The following TBXA2R variants were observed in gnomAD, a reference collection of about 807,000 sequenced individuals.
The protein encoded by TBXA2R is prostanoid TP receptor.
TBXA2R carries 15 observed loss-of-function variants against 15.6 expected under a neutral mutation model. The observed-to-expected ratio is 0.96, with a 90% CI of 0.64 to 1.48. TBXA2R has a LOEUF of 1.48. Ranked by LOEUF, TBXA2R falls within the 40% of genes most tolerant of loss-of-function variation. The probability of loss-of-function intolerance (pLI) is 0.00; values close to 1 mark genes in which losing one functional copy is unlikely to be tolerated. For missense variants in TBXA2R, 506 were observed against 491.4 expected (o/e 1.03, Z -0.28); for synonymous variants, 280 against 241.2 (o/e 1.16, Z -1.49).
intron 2 of TBXA2R, among the ~76,000 whole-genome samples, chr19:3,599,577 G>A (rs983735576): frequency 4.6e-5 from 7 of 152,066 alleles, no homozygotes; most frequent in Admixed American, 2.0e-4. Flanking sequence ...TGATCCGCCC[G>A]CCTCGGCCTC....
At position 3,600,103 on chromosome 19, in the gene TBXA2R, A is replaced by G; in HGVS notation, c.532T>C (p.Tyr178His). The G allele has an allele frequency of 6.2e-7, 1 of 1,612,106 alleles. No homozygotes were observed. Among genetic ancestry groups the G allele is most frequent in the Non-Finnish European group, 8.5e-7 (1 of 1,179,612 alleles). ...GTCAGGAAGCACCAGGACCCCGGGT[A>G]TTGCACGGTGTAGCGACCCACGCCC... ...LLGVGRYTVQ[Y>H]PGSWCFLTLG... The change falls in exon 2 of 3, where the codon TAC becomes CAC. Residue 178 changes from tyrosine to histidine, a missense_variant. Coordinates refer to ENST00000375190, the MANE Select transcript of TBXA2R (RefSeq NM_001060.6).
chr19:3,600,120 C>T lies in TBXA2R; in HGVS notation c.515G>A (p.Gly172Asp), dbSNP rs1423803534. 6.2e-7 allele frequency: 1 copy of T among 1,611,366 alleles called. No individual in the cohort carries two copies. Among genetic ancestry groups the T allele is most frequent in the Non-Finnish European group, 8.5e-7 (1 of 1,179,334 alleles). Residue 172 changes from glycine to aspartate, a missense_variant, in exon 2 of 3, where the codon GGT becomes GAT. Physicochemically the swap from Gly to Asp is moderately conservative, Grantham distance 94. Transcript: ENST00000375190. ...CCCCGGGTATTGCACGGTGTAGCGA[C>T]CCACGCCCAGCAGGGGCAGCAGGCC... Reference protein sequence around the residue: ...ALGLLPLLGVGRYTVQYPGSW... With the variant: ...ALGLLPLLGVDRYTVQYPGSW...
At chr19:3,601,974 CA>C (rs1218420336) in intron 1 of TBXA2R, among the ~76,000 whole-genome samples, 1 of 151,974 alleles carries the variant, frequency 6.6e-6, no homozygotes, top group Non-Finnish European at 1.5e-5. Context: ...GTAATCCCAG[CA>C]CTTTGGGAGG....
At position 3,594,736 on chromosome 19, in the gene TBXA2R, T is replaced by C. The variant is rs1041523816; in HGVS notation, c.*952A>G. 3 of 1,081,554 alleles carry C rather than the reference T, an allele frequency of 2.8e-6. No homozygotes were observed. Among genetic ancestry groups the C allele is most frequent in the African/African-American group, 3.2e-5 (2 of 63,036 alleles). The allele number at this position is 1,081,554 out of a possible 1,614,324, so 67.0% of individuals were successfully genotyped here. ...CTCGTCTGCTCCGGGTGAGGCCCAA[T>C]GCACAAACTCCAGAGATTGAAAACT... On this transcript the variant is annotated 3_prime_UTR_variant, in exon 3 of 3. Coordinates refer to ENST00000375190, the MANE Select transcript of TBXA2R (RefSeq NM_001060.6).
In TBXA2R at chr19:3,599,865, C is replaced by T; in HGVS notation, c.770G>A (p.Cys257Tyr). 6.5e-7 allele frequency: 1 copy of T among 1,549,180 alleles called. No individual in the cohort carries two copies. The highest frequency in any genetic ancestry group is 8.7e-7 in the Non-Finnish European group (1 of 1,147,000). Residue 257 changes from cysteine (C) to tyrosine (Y), a missense_variant, in exon 2 of 3, where the codon TGT becomes TAT. By Grantham distance (194) the Cys-to-Tyr change is radical. Coordinates refer to ENST00000375190, the MANE Select transcript of TBXA2R (RefSeq NM_001060.6). ...CCTACTCACCAGAAGGGGCAGCCAA[C>T]ACACGCTGGCCACCACCATGATCCC... ...LLGIMVVASVCWLPLLVFIAQ... is the reference protein window; with the variant it reads ...LLGIMVVASVYWLPLLVFIAQ...
rs1224651715 is a variant in TBXA2R, at chr19:3,600,217, G to T, written c.418C>A (p.Arg140Ser). 3 of 1,607,034 alleles carry T rather than the reference G, an allele frequency of 1.9e-6. No homozygotes were observed. Among genetic ancestry groups the T allele is most frequent in the East Asian group, 4.5e-5 (2 of 44,634 alleles). ...CGGCGCTGCGAGGCGACCGCCGGGC[G>T]CGAGAAGGGCCGGGTGATACCCAGG... is the stretch of plus-strand genomic sequence containing the variant. Reference protein sequence around the residue: ...RYLGITRPFSRPAVASQRRAW... With the variant: ...RYLGITRPFSSPAVASQRRAW... Residue 140 changes from arginine to serine, a missense_variant, in exon 2 of 3, where the codon CGC (arginine) becomes AGC (serine). Arg to Ser is a moderately radical substitution (Grantham distance 110, BLOSUM62 -1). Transcript: ENST00000375190.
intron 1 of TBXA2R, 118 bp from the exon 2 acceptor site, chr19:3,600,835 T>TTTG (rs2032724259): frequency 1.6e-6 from 1 of 615,064 alleles, no homozygotes; most frequent in African/African-American, 1.9e-5. Flanking sequence ...GGTTTTTTTT[T>TTTG]TTTTTTTTTT....
At chr19:3,600,907 C>A (rs1263321819) in intron 1 of TBXA2R, among the ~76,000 whole-genome samples, 190 bp from the exon 2 acceptor site, 1 of 142,826 alleles carries the variant, frequency 7.0e-6, no homozygotes, top group Non-Finnish European at 1.5e-5. Flanking sequence ...AGGCTCACTG[C>A]AGCCTCGACC....
Position 3,595,488 on chromosome 19 carries a change from G to C in TBXA2R, c.*200C>G. 1 of 1,425,462 alleles carries C rather than the reference G, an allele frequency of 7.0e-7. No homozygotes were observed. The highest frequency in any genetic ancestry group is 9.1e-7 in the Non-Finnish European group (1 of 1,093,964). The allele number at this position is 1,425,462 out of a possible 1,614,324, so 88.3% of individuals were successfully genotyped here. On this transcript the variant is annotated 3_prime_UTR_variant, in exon 3 of 3. Coordinates refer to ENST00000375190, the MANE Select transcript of TBXA2R (RefSeq NM_001060.6). ...GCTCTGGATGGGAAAAAGGGGCCGA[G>C]GAAGGGAGAGTGCTTGGTAAAAGGA...
At chr19:3,600,856 T>G (rs1599873964) in intron 1 of TBXA2R, 139 bp from the exon 2 acceptor site, 1 of 521,102 alleles carries the variant, frequency 1.9e-6, no homozygotes. Context: ...TGAGACAGAG[T>G]CTTGCTCTGT....
Position 3,606,678 on chromosome 19 carries a change from G to C in TBXA2R, c.-232C>G, listed in dbSNP as rs200979835. On this transcript the variant is annotated 5_prime_UTR_variant, in exon 1 of 3. Coordinates refer to ENST00000375190, the MANE Select transcript of TBXA2R (RefSeq NM_001060.6). Reference sequence around the variant, plus strand: ...GCAGAGGGAGGGGAAGGACGGGCTCGAGCGGGACCTCCCAGGGAAACTGAG... The same window carrying C: ...GCAGAGGGAGGGGAAGGACGGGCTCCAGCGGGACCTCCCAGGGAAACTGAG... The C allele has an allele frequency of 6.6e-6, 1 of 152,584 alleles. No individual in the cohort carries two copies. Among genetic ancestry groups the C allele is most frequent in the African/African-American group, 2.4e-5 (1 of 41,454 alleles). The allele number at this position is 152,584 out of a possible 1,614,324, so 9.5% of individuals were successfully genotyped here.
rs928941700 is a variant in TBXA2R at position 3,596,668 on chromosome 19, G to A, written c.787-735C>T. Among the ~76,000 whole-genome samples, 6 of 147,302 alleles carry A rather than the reference G, an allele frequency of 4.1e-5. No homozygotes were observed. In the South Asian group the frequency reaches 6.4e-4, roughly 16 times the overall value. ...TTTTTTTTTTTGAGACGGAGTCTCC[G>A]CCTCCTGGGTTTACGCCATTCTCCT... On this transcript the variant is annotated intron_variant, in intron 2 of 2. Coordinates refer to ENST00000375190, the MANE Select transcript of TBXA2R (RefSeq NM_001060.6).
In TBXA2R at chr19:3,600,262, C is replaced by T. The variant is rs1174092294; in HGVS notation, c.373G>A (p.Ala125Thr). The change falls in exon 2 of 3, where the codon GCC (alanine) becomes ACC (threonine). Residue 125 changes from alanine (A) to threonine (T), a missense_variant. Coordinates refer to ENST00000375190, the MANE Select transcript of TBXA2R (RefSeq NM_001060.6). ...FGLSPLLLGA[A>T]MASERYLGIT... is the part of the protein sequence containing the mutation. ...CCCAGGTAGCGCTCTGAGGCCATGG[C>T]GGCCCCCAGCAGCAGCGGGGACAGG... The T allele has an allele frequency of 1.9e-6, 3 of 1,612,062 alleles. No individual in the cohort carries two copies. Among genetic ancestry groups the T allele is most frequent in the South Asian group, 2.2e-5 (2 of 91,062 alleles).
chr19:3,596,166 T>G (rs2145285647), intron 2 of TBXA2R, among the ~76,000 whole-genome samples: 1 of 152,230 alleles, frequency 6.6e-6, no homozygotes, highest in Non-Finnish European at 1.5e-5. Flanking sequence ...GTAGCTGGGA[T>G]TACAGGTGGC....
chr19:3,603,426 T>A (rs531951746), intron 1 of TBXA2R, among the ~76,000 whole-genome samples: 1 of 152,324 alleles, frequency 6.6e-6, no homozygotes, highest in Non-Finnish European at 1.5e-5. Flanking sequence ...CCTCTGGCGA[T>A]CGTTGCCCTC....
In TBXA2R at chr19:3,599,963, G is replaced by A. The variant is rs201984682; in HGVS notation, c.672C>T (p.His224=). 3 of 1,586,514 alleles carry A rather than the reference G, an allele frequency of 1.9e-6. No individual in the cohort carries two copies. The highest frequency in any genetic ancestry group is 2.3e-5 in the South Asian group (2 of 87,716). The change falls in exon 2 of 3, where the codon CAC becomes CAT. Residue 224 remains histidine, a synonymous_variant. Coordinates refer to ENST00000375190, the MANE Select transcript of TBXA2R (RefSeq NM_001060.6). ...GGGCCGCCTCCTGCCCGTGGTAGAC[G>A]TGGCACAGGGTGGCCACGCTGACCG... ...LNTVSVATLC[H]VYHGQEAAQQ... is the part of the protein sequence containing the mutation.
chr19:3,605,703 T>C (rs2032818358), intron 1 of TBXA2R, among the ~76,000 whole-genome samples: 2 of 142,778 alleles, frequency 1.4e-5, no homozygotes, highest in Admixed American at 1.4e-4. Flanking sequence ...CGCACAGGCA[T>C]GCACAGACAC....
chr19:3,603,017 CAG>C (rs1481768042), intron 1 of TBXA2R, among the ~76,000 whole-genome samples: 4 of 147,572 alleles, frequency 2.7e-5, no homozygotes, highest in Non-Finnish European at 3.0e-5. Context: ...GCCTGGGCGA[CAG>C]AGCGAGACTC....
At chr19:3,600,741 T>A (rs2032721290) in intron 1 of TBXA2R, 24 bp from the exon 2 acceptor site, 2 of 1,307,732 alleles carry the variant, frequency 1.5e-6, no homozygotes, top group African/African-American at 2.9e-5. Context: ...GAAGATTTGC[T>A]TGTGATTAAT....
Sources: gnomAD v4.1 joint callset for allele counts (sites outside exome capture counted in the v4.1 genomes callset) on GRCh38, gnomAD v4.1.1 for gene constraint, MANE v1.5 for transcripts, NCBI Gene and HGNC (gene_info 2026-07-23, HGNC 2026-07-21) for gene names.